PMM2: variants seen among roughly 807,000 people sequenced by gnomAD.
PMM2 encodes the protein phosphomannomutase 2.
Under a neutral mutation model 33.2 loss-of-function variants are expected in PMM2, and 35 were observed. The ratio of observed to expected loss-of-function variants is 1.06; its 90% CI spans 0.81 to 1.40. The LOEUF is 1.40. PMM2 is among the 40% of genes most tolerant of loss of function. The probability of loss-of-function intolerance (pLI) is 0.00; values close to 1 mark genes in which losing one functional copy is unlikely to be tolerated. For synonymous variants in PMM2, 153 were observed against 114.7 expected, an observed-to-expected ratio of 1.33 and a Z score of -2.13; for missense variants, 386 against 306.0, an observed-to-expected ratio of 1.26 and a Z score of -1.95.
At chr16:8,845,107 C>T (rs1355830576) in intron 7 of PMM2, among the ~76,000 whole-genome samples, 3 of 152,188 alleles carry the variant, frequency 2.0e-5, no homozygotes, top group Non-Finnish European at 2.9e-5. Flanking sequence ...TGGGTGCAGG[C>T]GGGCTGAGTC....
At chr16:8,804,039 T>TTTTTTTTTTTTTTTTTG (rs2060632559) in intron 2 of PMM2, among the ~76,000 whole-genome samples, 1 of 132,802 alleles carries the variant, frequency 7.5e-6, no homozygotes, top group Admixed American at 7.7e-5. Context: ...TTGTTTTTTT[T>TTTTTTTTTTTTTTTTTG]TTTTTTTTTT....
At chr16:8,837,060 G>A (rs2060853590) in intron 7 of PMM2, among the ~76,000 whole-genome samples, 1 of 151,962 alleles carries the variant, frequency 6.6e-6, no homozygotes, top group Non-Finnish European at 1.5e-5. Flanking sequence ...TCAGCCTGGC[G>A]AGGAGGAGAG....
chr16:8,798,796 G>T (rs1358134891), intron 1 of PMM2, among the ~76,000 whole-genome samples: 1 of 152,080 alleles, frequency 6.6e-6, no homozygotes, highest in African/African-American at 2.4e-5. Context: ...CTTGAGACTG[G>T]ACCCCAATGG....
chr16:8,798,530 A>C (rs2060592687), intron 1 of PMM2, among the ~76,000 whole-genome samples: 1 of 152,136 alleles, frequency 6.6e-6, no homozygotes, highest in African/African-American at 2.4e-5. Context: ...TGTTGGACAC[A>C]ACACACTAGG....
At chr16:8,829,517 G>T (rs78135743) in intron 7 of PMM2, among the ~76,000 whole-genome samples, 20,043 of 152,276 alleles carry the variant, frequency 0.13, 1,435 homozygotes, top group East Asian at 0.24. Flanking sequence ...GGCCAGAGCA[G>T]AGTACACATG....
intron 7 of PMM2, among the ~76,000 whole-genome samples, chr16:8,833,819 A>T (rs1414238034): frequency 1.3e-5 from 2 of 152,178 alleles, no homozygotes; most frequent in African/African-American, 4.8e-5. Flanking sequence ...CTGATTAGAG[A>T]GTGCCTAAGG....
intron 7 of PMM2, among the ~76,000 whole-genome samples, chr16:8,827,936 T>C (rs1335708991): frequency 1.4e-4 from 5 of 35,082 alleles, no homozygotes; most frequent in South Asian, 1.6e-3. Context: ...ATATAATATA[T>C]ATTTATAAAT....
chr16:8,838,292 A>G (rs2060864791), intron 7 of PMM2, among the ~76,000 whole-genome samples: 1 of 152,132 alleles, frequency 6.6e-6, no homozygotes, highest in Non-Finnish European at 1.5e-5. Context: ...TCATCAGCTA[A>G]GGCTATTTTT....
intron 7 of PMM2, among the ~76,000 whole-genome samples, chr16:8,813,869 T>G (rs939070400): frequency 7.0e-6 from 1 of 142,476 alleles, no homozygotes; most frequent in East Asian, 2.0e-4. Flanking sequence ...TTTTTTTTTT[T>G]TTTTTTTTTT....
At chr16:8,804,339 C>T (rs557811509) in intron 2 of PMM2, among the ~76,000 whole-genome samples, 7 of 152,082 alleles carry the variant, frequency 4.6e-5, no homozygotes, top group Admixed American at 6.6e-5. Flanking sequence ...ACACCGCACC[C>T]GACCCAAAGA....
Position 8,847,780 on chromosome 16 carries a change from AGCGCC to A in PMM2, c.697_701del (p.Ala233Ter), listed in dbSNP as rs2060937570. ...CCAGAACCATGGGCTACTCCGTGACAGCGCCTGAGGACACGCGCAGGATCTGTGAA... is the reference window on the plus strand; with the variant it reads ...CCAGAACCATGGGCTACTCCGTGACATGAGGACACGCGCAGGATCTGTGAA... On this transcript the variant is annotated frameshift_variant, in exon 8 of 8. Coordinates refer to ENST00000268261, the MANE Select transcript of PMM2 (RefSeq NM_000303.3). LOFTEE classifies it high-confidence loss of function. 1 of 1,613,914 alleles carries A rather than the reference AGCGCC, an allele frequency of 6.2e-7. No individual in the cohort carries two copies. Among genetic ancestry groups the A allele is most frequent in the African/African-American group, 1.3e-5 (1 of 74,930 alleles).
intron 7 of PMM2, among the ~76,000 whole-genome samples, chr16:8,839,952 T>G (rs1331732091): frequency 6.8e-6 from 1 of 147,676 alleles, no homozygotes; most frequent in Non-Finnish European, 1.5e-5. Context: ...TCTGGGGAAG[T>G]CTTGCTGGAC....
chr16:8,812,836 C>T (rs1474035656), intron 6 of PMM2, among the ~76,000 whole-genome samples, 155 bp from the exon 7 acceptor site: 1 of 152,200 alleles, frequency 6.6e-6, no homozygotes, highest in African/African-American at 2.4e-5. Flanking sequence ...ATTTCTAGAA[C>T]CTATGCATGA....
intron 7 of PMM2, among the ~76,000 whole-genome samples, chr16:8,823,346 A>G (rs762552915): frequency 1.3e-5 from 2 of 152,254 alleles, no homozygotes; most frequent in African/African-American, 4.8e-5. Context: ...ATTGTAGCCC[A>G]CAGAGAATTC....
At chr16:8,831,047 G>C (rs1242936337) in intron 7 of PMM2, among the ~76,000 whole-genome samples, 1 of 152,188 alleles carries the variant, frequency 6.6e-6, no homozygotes, top group African/African-American at 2.4e-5. Flanking sequence ...GCTGAGGCAG[G>C]AGAATCACTT....
intron 5 of PMM2, 24 bp downstream of exon 5, chr16:8,811,202 G>A: frequency 7.2e-7 from 1 of 1,379,936 alleles, no homozygotes; most frequent in East Asian, 2.5e-5. Flanking sequence ...AAATATCTTT[G>A]GTGAATGGCT....
intron 1 of PMM2, 71 bp downstream of exon 1, chr16:8,798,019 C>T: frequency 6.8e-7 from 1 of 1,471,178 alleles, no homozygotes; most frequent in Non-Finnish European, 9.3e-7. Context: ...GGCTATCGAC[C>T]ACCCAGGGTA....
chr16:8,805,291 C>CA (rs1228596408), intron 3 of PMM2, among the ~76,000 whole-genome samples: 2 of 152,158 alleles, frequency 1.3e-5, no homozygotes, highest in African/African-American at 4.8e-5. Context: ...TGATCTCTAA[C>CA]CCCTGACCTC....
chr16:8,800,844 C>A (rs897772447), intron 1 of PMM2, among the ~76,000 whole-genome samples: 1 of 151,990 alleles, frequency 6.6e-6, no homozygotes, highest in Non-Finnish European at 1.5e-5. Context: ...CCAGCGCGCC[C>A]GCCTAATTTT....
Sources: allele counts gnomAD v4.1 joint callset (sites outside exome capture counted in the v4.1 genomes callset), GRCh38; gene constraint gnomAD v4.1.1; transcripts MANE v1.5; gene names NCBI Gene and HGNC (gene_info 2026-07-23, HGNC 2026-07-21).